The following HSF2BP variants were observed in gnomAD, a reference collection of about 807,000 sequenced individuals.
HSF2BP encodes heat shock factor 2-binding protein.
In HSF2BP, 35 loss-of-function variants were observed where a neutral mutation model predicts 35.0. That is an observed-to-expected ratio of 1.00 (90% CI 0.76 to 1.32). HSF2BP has a LOEUF of 1.32. Ranked by LOEUF, HSF2BP falls within the 40% of genes most tolerant of loss-of-function variation. The probability of loss-of-function intolerance (pLI) is 0.00; values close to 1 mark genes in which losing one functional copy is unlikely to be tolerated. For missense variants in HSF2BP, 326 were observed against 321.7 expected (o/e 1.01, Z -0.10); for synonymous variants, 114 against 117.4 (o/e 0.97, Z 0.18).
At chr21:43,603,262 C>G (rs2082073198) in intron 7 of HSF2BP, among the ~76,000 whole-genome samples, 1 of 152,200 alleles carries the variant, frequency 6.6e-6, no homozygotes, top group East Asian at 1.9e-4. Context: ...CAGGACAGCG[C>G]TCAGGGCCCC....
At chr21:43,657,598 G>A (rs1464637116) in intron 2 of HSF2BP, among the ~76,000 whole-genome samples, 1 of 152,238 alleles carries the variant, frequency 6.6e-6, no homozygotes, top group East Asian at 1.9e-4. Context: ...ATAACGGGTG[G>A]AAGCAGGATG....
chr21:43,587,721 A>AG (rs1159211968), intron 8 of HSF2BP, among the ~76,000 whole-genome samples: 1 of 152,096 alleles, frequency 6.6e-6, no homozygotes, highest in Non-Finnish European at 1.5e-5. Flanking sequence ...AAGCAAAAAA[A>AG]AATTGCATTA....
intron 6 of HSF2BP, among the ~76,000 whole-genome samples, chr21:43,619,038 G>A (rs1001163259): frequency 1.3e-5 from 2 of 152,078 alleles, no homozygotes; most frequent in African/African-American, 2.4e-5. Flanking sequence ...GGAGTGCAGT[G>A]GCACAATCGC....
chr21:43,596,886 CAAAAA>C (rs869038891), intron 7 of HSF2BP, among the ~76,000 whole-genome samples: 1 of 30,666 alleles, frequency 3.3e-5, no homozygotes, highest in Admixed American at 3.8e-4. Flanking sequence ...GACCCTGTCT[CAAAAA>C]AAAAAAAAAA....
At chr21:43,579,918 T>G (rs181501675) in intron 8 of HSF2BP, among the ~76,000 whole-genome samples, 1 of 152,210 alleles carries the variant, frequency 6.6e-6, no homozygotes, top group African/African-American at 2.4e-5. Context: ...ATATCTCTAT[T>G]TTGTGGATGA....
chr21:43,616,188 G>C (rs1176572977), intron 6 of HSF2BP, among the ~76,000 whole-genome samples: 1 of 152,136 alleles, frequency 6.6e-6, no homozygotes, highest in Non-Finnish European at 1.5e-5. Context: ...CTTGTAACAA[G>C]TAGAACGCAG....
At chr21:43,625,361 T>TA (rs1179437718) in intron 6 of HSF2BP, among the ~76,000 whole-genome samples, 1 of 151,488 alleles carries the variant, frequency 6.6e-6, no homozygotes. Flanking sequence ...AAATAAAAAA[T>TA]AAAAAAACCC....
At chr21:43,606,517 T>C (rs1260687218) in intron 7 of HSF2BP, among the ~76,000 whole-genome samples, 3 of 151,980 alleles carry the variant, frequency 2.0e-5, no homozygotes, top group Admixed American at 2.0e-4. Flanking sequence ...AGAGGAGGTA[T>C]GGCCTGAGTG....
intron 8 of HSF2BP, among the ~76,000 whole-genome samples, chr21:43,577,379 A>C (rs1375792961): frequency 6.6e-6 from 1 of 152,230 alleles, no homozygotes; most frequent in Non-Finnish European, 1.5e-5. Context: ...GGAAGTACAA[A>C]ATACTTCAGC....
At chr21:43,654,852 C>A (rs2082844210) in intron 3 of HSF2BP, among the ~76,000 whole-genome samples, 1 of 152,168 alleles carries the variant, frequency 6.6e-6, no homozygotes, top group South Asian at 2.1e-4. Flanking sequence ...TGAGCGGGGC[C>A]TAGGCCTGAG....
chr21:43,658,730 G>T (rs1414018128), intron 1 of HSF2BP, among the ~76,000 whole-genome samples: 1 of 152,234 alleles, frequency 6.6e-6, no homozygotes, highest in Non-Finnish European at 1.5e-5. Context: ...CAACTCCCCT[G>T]GAAGCGCGCG....
At chr21:43,577,426 G>T (rs549995188) in intron 8 of HSF2BP, among the ~76,000 whole-genome samples, 7 of 152,274 alleles carry the variant, frequency 4.6e-5, no homozygotes, top group African/African-American at 1.7e-4. Context: ...TGGCTTAAAC[G>T]TAATCACATT....
chr21:43,631,617 C>T (rs1288323744), intron 5 of HSF2BP, among the ~76,000 whole-genome samples: 9 of 152,078 alleles, frequency 5.9e-5, no homozygotes, highest in Admixed American at 5.9e-4. Flanking sequence ...AGGGAAAATC[C>T]AGTCTTCCCA....
intron 3 of HSF2BP, among the ~76,000 whole-genome samples, chr21:43,652,702 C>A (rs1250659154): frequency 6.6e-6 from 1 of 152,004 alleles, no homozygotes; most frequent in East Asian, 1.9e-4. Flanking sequence ...ACTCAAAAGC[C>A]AAAATTAGAT....
At position 43,639,686 on chromosome 21, in the gene HSF2BP, G is replaced by A. The variant is rs531319043; in HGVS notation, c.291+4603C>T. Among the ~76,000 whole-genome samples, 166 of 152,194 alleles carry A rather than the reference G, an allele frequency of 1.1e-3. 1 individual carries two copies. The highest frequency in any genetic ancestry group is 6.8e-3 in the Middle Eastern group (2 of 294). ...GTGAATCACTCATACATTTTGGTGG[G>A]ACTCTAAAATGGTACAGACACTCTG... On this transcript the variant is annotated intron_variant, in intron 4 of 8. Transcript: ENST00000291560.
chr21:43,629,883 A>G (rs2146994510), intron 6 of HSF2BP, among the ~76,000 whole-genome samples: 1 of 152,346 alleles, frequency 6.6e-6, no homozygotes, highest in Admixed American at 6.5e-5. Flanking sequence ...CTACTGTGGA[A>G]AAAATGCTAT....
At chr21:43,609,202 T>C (rs1177912916) in intron 7 of HSF2BP, among the ~76,000 whole-genome samples, 1 of 152,150 alleles carries the variant, frequency 6.6e-6, no homozygotes. Flanking sequence ...TATTGCATGT[T>C]CTCATTTATA....
At chr21:43,501,548 G>A in the HSF2BP span, among the ~76,000 whole-genome samples, 49 of 40,210 alleles carry the variant, frequency 1.2e-3, no homozygotes, top group South Asian at 5.6e-3. Flanking sequence ...GATTACAGGC[G>A]CACGCCACCA....
chr21:43,582,490 G>A (rs1314382264), intron 8 of HSF2BP, among the ~76,000 whole-genome samples: 3 of 140,470 alleles, frequency 2.1e-5, no homozygotes, highest in Non-Finnish European at 1.6e-5. Context: ...GGCCTGCTGA[G>A]GGAGATGAAG....
Sources: allele counts gnomAD v4.1 joint callset (sites outside exome capture counted in the v4.1 genomes callset), GRCh38; gene constraint gnomAD v4.1.1; transcripts MANE v1.5; gene names NCBI Gene and HGNC (gene_info 2026-07-23, HGNC 2026-07-21).